GABRB3: variants seen among roughly 807,000 people sequenced by gnomAD.
GABRB3 encodes gamma-aminobutyric acid receptor subunit beta-3.
Under a neutral mutation model 52.1 loss-of-function variants are expected in GABRB3, and 14 were observed. The observed-to-expected ratio is 0.27, with a 90% CI of 0.18 to 0.42. GABRB3 has a LOEUF of 0.42. GABRB3 is among the 10% of genes least tolerant of loss of function. GABRB3 has a pLI of 1.00. For synonymous variants in GABRB3, 260 were observed against 232.3 expected, an observed-to-expected ratio of 1.12 and a Z score of -1.08; for missense variants, 307 against 609.1, an observed-to-expected ratio of 0.50 and a Z score of 5.22.
intron 3 of GABRB3, among the ~76,000 whole-genome samples, chr15:26,678,621 C>A (rs1017157540): frequency 6.6e-6 from 1 of 151,342 alleles, no homozygotes; most frequent in Non-Finnish European, 1.5e-5. Flanking sequence ...GAAGAAAAAC[C>A]GAGAGAAAGC....
At chr15:26,747,525 T>G (rs1890380597) in intron 3 of GABRB3, among the ~76,000 whole-genome samples, 1 of 152,218 alleles carries the variant, frequency 6.6e-6, no homozygotes, top group African/African-American at 2.4e-5. Flanking sequence ...TCCCACATAT[T>G]TGTTGTTAGC....
chr15:26,615,671 GTC>G (rs1892227488), intron 4 of GABRB3: 1 of 823,152 alleles, frequency 1.2e-6, no homozygotes, highest in African/African-American at 1.8e-5. Flanking sequence ...ACAGCCAAAG[GTC>G]TTCATCTAGC....
At chr15:26,699,154 C>A (rs1269791671) in intron 3 of GABRB3, among the ~76,000 whole-genome samples, 1 of 151,970 alleles carries the variant, frequency 6.6e-6, no homozygotes, top group Non-Finnish European at 1.5e-5. Context: ...AAGAAGTTTC[C>A]AGAACTGGGA....
chr15:26,739,552 A>C (rs1318367642), intron 3 of GABRB3, among the ~76,000 whole-genome samples: 1 of 152,090 alleles, frequency 6.6e-6, no homozygotes, highest in Non-Finnish European at 1.5e-5. Flanking sequence ...TCACAATGCA[A>C]GGAGGGGCCG....
intron 3 of GABRB3, among the ~76,000 whole-genome samples, chr15:26,633,775 T>C (rs1892969764): frequency 6.6e-6 from 1 of 152,190 alleles, no homozygotes; most frequent in African/African-American, 2.4e-5. Flanking sequence ...CATTTATCCT[T>C]CTAACTTTTT....
intron 8 of GABRB3, chr15:26,557,675 A>T (rs1889806329): frequency 6.6e-6 from 1 of 152,186 alleles, no homozygotes; most frequent in South Asian, 2.1e-4. Context: ...ACATAATCAT[A>T]CGTTGACTTC....
chr15:26,567,920 C>T (rs1367105553), intron 6 of GABRB3, among the ~76,000 whole-genome samples, 187 bp from the exon 7 acceptor site: 4 of 152,206 alleles, frequency 2.6e-5, no homozygotes, highest in Admixed American at 6.5e-5. Flanking sequence ...GGGTGCTTTT[C>T]GGTCTATTTA....
chr15:26,705,553 T>C (rs768537787), intron 3 of GABRB3, among the ~76,000 whole-genome samples: 26 of 152,178 alleles, frequency 1.7e-4, no homozygotes, highest in Non-Finnish European at 3.5e-4. Context: ...GAAGTGTTGA[T>C]ACAACTCAAA....
At chr15:26,623,946 T>C (rs1345461559) in intron 3 of GABRB3, among the ~76,000 whole-genome samples, 1 of 152,168 alleles carries the variant, frequency 6.6e-6, no homozygotes, top group Non-Finnish European at 1.5e-5. Flanking sequence ...GGCAGTTGTG[T>C]CCTGATCTGT....
rs553695518 is a variant in GABRB3, at chr15:26,544,771, GAC to G, written c.*3020_*3021del. ...GAGCCCCTGTGGCGCATTTTGGAAA[GAC>G]AGGACTACTGAGAAAATTAACTCTT... On this transcript the variant is annotated 3_prime_UTR_variant, in exon 9 of 9. Coordinates refer to ENST00000311550, the MANE Select transcript of GABRB3 (RefSeq NM_000814.6). 9 of 152,526 alleles carry G rather than the reference GAC, an allele frequency of 5.9e-5. No homozygotes were observed. Among genetic ancestry groups the G allele is most frequent in the Non-Finnish European group, 1.2e-4 (8 of 68,042 alleles). The allele number at this position is 152,526 out of a possible 1,614,324, so 9.4% of individuals were successfully genotyped here.
chr15:26,704,634 G>A (rs905121816), intron 3 of GABRB3, among the ~76,000 whole-genome samples: 4 of 152,078 alleles, frequency 2.6e-5, no homozygotes, highest in Non-Finnish European at 4.4e-5. Context: ...AAGAAGCCAC[G>A]AAGGATCCTG....
chr15:26,585,880 C>T (rs1359971674), intron 4 of GABRB3, among the ~76,000 whole-genome samples: 1 of 152,216 alleles, frequency 6.6e-6, no homozygotes, highest in East Asian at 1.9e-4. Flanking sequence ...AACCCAATAA[C>T]CACACAAGAT....
At chr15:26,667,236 T>C (rs763137091) in intron 3 of GABRB3, among the ~76,000 whole-genome samples, 20 of 152,320 alleles carry the variant, frequency 1.3e-4, no homozygotes, top group Non-Finnish European at 2.8e-4. Flanking sequence ...AAGTCTCCAA[T>C]GCCAGAGCCC....
At chr15:26,614,187 T>TAG (rs1892175500) in intron 4 of GABRB3, 1 of 152,180 alleles carries the variant, frequency 6.6e-6, no homozygotes, top group Admixed American at 6.5e-5. Flanking sequence ...AGCCAACAGA[T>TAG]AGCTCAGGTG....
At chr15:26,707,128 G>A (rs17738349) in intron 3 of GABRB3, among the ~76,000 whole-genome samples, 20,396 of 152,234 alleles carry the variant, frequency 0.13, 1,501 homozygotes, top group Non-Finnish European at 0.17. Context: ...GATGCCACAG[G>A]ATCATAAGAG....
chr15:26,547,745 AT>A lies in GABRB3; in HGVS notation c.*47del. 1 of 1,489,728 alleles carries A rather than the reference AT, an allele frequency of 6.7e-7. No individual in the cohort carries two copies. The allele number at this position is 1,489,728 out of a possible 1,614,324, so 92.3% of individuals were successfully genotyped here. A position where few individuals can be genotyped will look rare whatever the true frequency, so the allele number is the denominator to read the frequency against. ...ATAAAAACTTGACAGGCAGAGTAAT[AT>A]TTCACTCAGTGTTAAATGAAGTCTT... On this transcript the variant is annotated 3_prime_UTR_variant, in exon 9 of 9. Coordinates refer to ENST00000311550, the MANE Select transcript of GABRB3 (RefSeq NM_000814.6).
rs533397323 is a variant in GABRB3 at position 26,584,018 on chromosome 15, C to T, written c.462-604G>A. 5.3e-5 allele frequency among the ~76,000 whole-genome samples: 8 copies of T among 152,236 alleles called. No homozygotes were observed. In the East Asian group the frequency reaches 7.7e-4, roughly 15 times the overall value. On this transcript the variant is annotated intron_variant, in intron 4 of 8. Coordinates refer to ENST00000311550, the MANE Select transcript of GABRB3 (RefSeq NM_000814.6). ...GTCTCGACCTCTTGACCTCGTGATC[C>T]GCCTGCCTCGGCCTCCCAAAGTGCT...
upstream of GABRB3, among the ~76,000 whole-genome samples, chr15:26,773,297 G>T (rs1387789023): frequency 6.6e-6 from 1 of 150,432 alleles, no homozygotes; most frequent in Non-Finnish European, 1.5e-5. Flanking sequence ...CGCCGCACGG[G>T]ACTCGGACCT....
intron 3 of GABRB3, chr15:26,642,426 T>G (rs895371756): frequency 8.0e-7 from 1 of 1,256,588 alleles, no homozygotes; most frequent in Non-Finnish European, 1.0e-6. Flanking sequence ...TATATATGTA[T>G]ACATACATTT....
Sources: allele counts gnomAD v4.1 joint callset (sites outside exome capture counted in the v4.1 genomes callset), GRCh38; gene constraint gnomAD v4.1.1; transcripts MANE v1.5; gene names NCBI Gene and HGNC (gene_info 2026-07-23, HGNC 2026-07-21).